Variants in CEP295NL observed in about 807,000 individuals in gnomAD.
CEP295NL encodes the protein CEP295 N-terminal like.
CEP295NL carries 3 observed loss-of-function variants against 4.6 expected under a neutral mutation model. The ratio of observed to expected loss-of-function variants is 0.65; its 90% CI spans 0.30 to 1.69. The LOEUF (loss-of-function observed/expected upper bound fraction) is 1.69. Ranked by LOEUF, CEP295NL falls within the 40% of genes most tolerant of loss-of-function variation. The probability of loss-of-function intolerance (pLI) is 0.10; values close to 1 mark genes in which losing one functional copy is unlikely to be tolerated. For missense variants in CEP295NL, 719 were observed against 769.0 expected, an observed-to-expected ratio of 0.93 and a Z score of 0.77; for synonymous variants, 295 against 312.2, an observed-to-expected ratio of 0.94 and a Z score of 0.58.
chr17:78,893,201 A>G (rs1161708429), intron 2 of CEP295NL, among the ~76,000 whole-genome samples: 8 of 49,926 alleles, frequency 1.6e-4, no homozygotes, highest in East Asian at 6.3e-4. Flanking sequence ...GTGTGCAAGG[A>G]TGTGTGTGCA....
chr17:78,901,100 C>T (rs553792082), intron 2 of CEP295NL: 1 of 152,642 alleles, frequency 6.6e-6, no homozygotes, highest in Admixed American at 6.5e-5. Flanking sequence ...CGAGACGGCC[C>T]GTGTGAAGCG....
intron 2 of CEP295NL, chr17:78,898,313 G>A (rs1294792064): frequency 6.6e-6 from 1 of 152,278 alleles, no homozygotes; most frequent in Non-Finnish European, 1.5e-5. Flanking sequence ...TCGTAATCAG[G>A]GCAGCAGGGA....
intron 2 of CEP295NL, chr17:78,897,180 G>A (rs2145778555): frequency 5.6e-6 from 1 of 180,020 alleles, no homozygotes; most frequent in East Asian, 1.9e-4. Flanking sequence ...GGGGGGCGGG[G>A]GGCAAGCATC....
intron 2 of CEP295NL, chr17:78,899,871 C>T (rs1308161422): frequency 3.3e-5 from 5 of 152,232 alleles, no homozygotes; most frequent in African/African-American, 9.6e-5. Flanking sequence ...AGCACCCGGG[C>T]CACATAGTCA....
Position 78,891,736 on chromosome 17 carries a change from G to A in CEP295NL, c.768C>T (p.Leu256=), listed in dbSNP as rs761379613. 1.1e-5 allele frequency: 17 copies of A among 1,551,172 alleles called. 1 individual carries two copies. Among genetic ancestry groups the A allele is most frequent in the South Asian group, 3.6e-5 (3 of 84,062 alleles). Residue 256 remains leucine (L), a synonymous_variant, in exon 3 of 3, where the codon CTC becomes CTT. Transcript: ENST00000322630. This position sits in a 1 kb window ranked among gnomAD's most constrained non-coding sequence, Gnocchi z 4.5. ...KGADLERSNP[L]VAAVGEIGLV... The stretch of plus-strand genomic sequence containing the variant: ...GCCCGATTTCTCCCACAGCAGCCAC[G>A]AGTGGGTTTGACCTTTCTAGGTCCG...
intron 2 of CEP295NL, among the ~76,000 whole-genome samples, chr17:78,893,456 C>CG (rs1172197586): frequency 2.6e-5 from 3 of 116,562 alleles, no homozygotes; most frequent in African/African-American, 1.1e-4. Flanking sequence ...GCTGTGTGTG[C>CG]AGGGGTGTGT....
intron 2 of CEP295NL, among the ~76,000 whole-genome samples, chr17:78,893,424 T>C (rs2069946863): frequency 8.0e-6 from 1 of 125,116 alleles, no homozygotes; most frequent in African/African-American, 4.5e-5. Flanking sequence ...TAGGGGTGTG[T>C]GTGCAGGGGT....
In CEP295NL at chr17:78,890,748, T is replaced by C; in HGVS notation, c.1756A>G (p.Ser586Gly). The change falls in exon 3 of 3, where the codon AGT (serine) becomes GGT (glycine). Residue 586 changes from serine (S) to glycine (G), a missense_variant. Ser to Gly is a moderately conservative substitution (Grantham distance 56, BLOSUM62 0). Coordinates refer to ENST00000322630, the MANE Select transcript of CEP295NL (RefSeq NM_001243540.2). Reference sequence around the variant, plus strand: ...TGCTGCTGGTCTCGGATCATCTGACTGTGCCGGTCGTCGTCGGCGAGGCTG... The same window carrying C: ...TGCTGCTGGTCTCGGATCATCTGACCGTGCCGGTCGTCGTCGGCGAGGCTG... ...GTSLADDDRH[S>G]QMIRDQQQQI... 1.3e-6 allele frequency: 2 copies of C among 1,550,676 alleles called. No individual in the cohort carries two copies. The highest frequency in any genetic ancestry group is 1.7e-6 in the Non-Finnish European group (2 of 1,147,012).
In CEP295NL at chr17:78,890,875, C is replaced by T. The variant is rs562541959; in HGVS notation, c.1629G>A (p.Arg543=). 7.9e-5 allele frequency: 122 copies of T among 1,550,596 alleles called. No homozygotes were observed. In the African/African-American group the frequency reaches 1.5e-3, roughly 19 times the overall value. ...GGGCCAGTCGAGCTCTTCTTTGCTCCCTCCTCTCTTTTTCTAGCTCAGCTT... is the reference window on the plus strand; with the variant it reads ...GGGCCAGTCGAGCTCTTCTTTGCTCTCTCCTCTCTTTTTCTAGCTCAGCTT... ...HYKAELEKER[R]EQRRARLAHL... The change falls in exon 3 of 3, where the codon AGG becomes AGA. Residue 543 remains arginine, a synonymous_variant. Transcript: ENST00000322630.
chr17:78,895,816 G>C (rs1185263249), intron 2 of CEP295NL, among the ~76,000 whole-genome samples: 12 of 152,182 alleles, frequency 7.9e-5, no homozygotes, highest in Admixed American at 5.9e-4. Context: ...GTGTGTCTCG[G>C]AAGGTGCCTG....
At chr17:78,897,699 C>G (rs948075703) in intron 2 of CEP295NL, 4 of 152,264 alleles carry the variant, frequency 2.6e-5, no homozygotes, top group African/African-American at 9.7e-5. Context: ...AATGGCAGGA[C>G]CCAGAGTGCC....
chr17:78,893,185 A>G (rs1179519825), intron 2 of CEP295NL, among the ~76,000 whole-genome samples: 2 of 103,906 alleles, frequency 1.9e-5, no homozygotes, highest in African/African-American at 4.2e-5. Flanking sequence ...ATGTGTGTGC[A>G]GGGGTGTGTG....
In CEP295NL at chr17:78,897,448, G is replaced by A. The variant is rs1188769784; in HGVS notation, c.44+4337C>T. The A allele has an allele frequency of 2.0e-5, 3 of 152,208 alleles. No individual in the cohort carries two copies. In the East Asian group the frequency reaches 5.8e-4, roughly 29 times the overall value. 9.4% of individuals were successfully genotyped at this position (152,208 alleles called of 1,614,324 possible). ...GTGCATAGTCCTGCGGCTAAGTCAG[G>A]GCGGTTGTAACAAAGGCTCAGACCC... On this transcript the variant is annotated intron_variant, in intron 2 of 2. Coordinates refer to ENST00000322630, the MANE Select transcript of CEP295NL (RefSeq NM_001243540.2).
At chr17:78,900,662 G>A (rs996845192) in intron 2 of CEP295NL, among the ~76,000 whole-genome samples, 4 of 152,176 alleles carry the variant, frequency 2.6e-5, no homozygotes, top group Non-Finnish European at 5.9e-5. Flanking sequence ...CAAAGCTGTG[G>A]GCATCCCCGG....
Position 78,901,434 on chromosome 17 carries a change from C to T in CEP295NL, c.44+351G>A, listed in dbSNP as rs143216542. ...GAGGTGTGTCTTCCTGGACAGTTCT[C>T]GGGAGAGGAGGAGGGCGGTAAGGAC... On this transcript the variant is annotated intron_variant, in intron 2 of 2. Transcript: ENST00000322630. Among the ~76,000 whole-genome samples the T allele has an allele frequency of 1.7e-3, 264 of 151,998 alleles. 1 individual carries two copies. The highest frequency in any genetic ancestry group is 5.5e-3 in the African/African-American group (226 of 41,448).
At chr17:78,899,669 T>G (rs1159305735) in intron 2 of CEP295NL, 1 of 152,178 alleles carries the variant, frequency 6.6e-6, no homozygotes. Flanking sequence ...GTGGTAGAGC[T>G]CCTGGCCATT....
rs1335232133 is a variant in CEP295NL at position 78,891,753 on chromosome 17, C to G, written c.751G>C (p.Glu251Gln). The G allele has an allele frequency of 6.4e-7, 1 of 1,551,230 alleles. No individual in the cohort carries two copies. The highest frequency in any genetic ancestry group is 2.4e-5 in the East Asian group (1 of 40,914). ...GCAGCCACGAGTGGGTTTGACCTTT[C>G]TAGGTCCGCCCCTTTGCTCCTCCGA... ...HPRRSKGADL[E>Q]RSNPLVAAVG... Residue 251 changes from glutamate (E) to glutamine (Q), a missense_variant, in exon 3 of 3, where the codon GAA (glutamate) becomes CAA (glutamine). By Grantham distance (29) the Glu-to-Gln change is conservative. Coordinates refer to ENST00000322630, the MANE Select transcript of CEP295NL (RefSeq NM_001243540.2). This position sits in a 1 kb window ranked among gnomAD's most constrained non-coding sequence, Gnocchi z 4.5.
Position 78,892,157 on chromosome 17 carries a change from C to T in CEP295NL, c.347G>A (p.Arg116Lys). Residue 116 changes from arginine to lysine, a missense_variant, in exon 3 of 3, where the codon AGA (arginine) becomes AAA (lysine). Physicochemically the swap from Arg to Lys is conservative, Grantham distance 26. Transcript: ENST00000322630. ...QLQRLAEELR[R>K]GYQEAQHLHV... ...CAGGTGCTGTGCCTCCTGATACCCT[C>T]TCCTCAACTCCTCAGCCAAGCGCTG... is the stretch of plus-strand genomic sequence containing the variant. The T allele has an allele frequency of 6.4e-7, 1 of 1,550,950 alleles. No individual in the cohort carries two copies. Among genetic ancestry groups the T allele is most frequent in the Non-Finnish European group, 8.7e-7 (1 of 1,147,086 alleles).
Position 78,896,056 on chromosome 17 carries a change from G to A in CEP295NL, c.45-3597C>T, listed in dbSNP as rs1486392067. 6.6e-6 allele frequency among the ~76,000 whole-genome samples: 1 copy of A among 152,212 alleles called. No homozygotes were observed. Among genetic ancestry groups the A allele is most frequent in the Non-Finnish European group, 1.5e-5 (1 of 68,034 alleles). On this transcript the variant is annotated intron_variant, in intron 2 of 2. Transcript: ENST00000322630. This position sits in a 1 kb window ranked among gnomAD's most constrained non-coding sequence, Gnocchi z 4.4. ...ACGGGTAAAAACTTAACACATTTGG[G>A]CAGAGATCTTTGGGATAAGTCTAGA...
Sources: allele counts gnomAD v4.1 joint callset (sites outside exome capture counted in the v4.1 genomes callset), GRCh38; gene constraint gnomAD v4.1.1; non-coding constraint Gnocchi (gnomAD v3.1); transcripts MANE v1.5; gene names NCBI Gene and HGNC (gene_info 2026-07-23, HGNC 2026-07-21).